Variants in TENM3 observed in about 807,000 individuals in gnomAD.
TENM3 encodes the protein teneurin transmembrane protein 3, also known as teneurin-3.
TENM3 carries 63 observed loss-of-function variants against 255.1 expected under a neutral mutation model. The observed-to-expected ratio is 0.25, with a 90% CI of 0.20 to 0.30. The LOEUF (loss-of-function observed/expected upper bound fraction) is 0.30. Ranked by LOEUF, TENM3 falls within the 10% of genes least tolerant of loss-of-function variation. The pLI is 1.00. For synonymous variants in TENM3, 1,306 were observed against 1,322.3 expected, an observed-to-expected ratio of 0.99 and a Z score of 0.27; for missense variants, 2,929 against 3,461.1, an observed-to-expected ratio of 0.85 and a Z score of 3.86.
chr4:182,112,453 C>T, the TENM3 span, among the ~76,000 whole-genome samples: 1 of 152,078 alleles, frequency 6.6e-6, no homozygotes, highest in Admixed American at 6.6e-5. Flanking sequence ...ACATTCTGAC[C>T]CTTTGTAGCC....
At chr4:182,397,020 A>G (rs893187107) in intron 3 of TENM3, among the ~76,000 whole-genome samples, 1 of 151,980 alleles carries the variant, frequency 6.6e-6, no homozygotes, top group African/African-American at 2.4e-5. Flanking sequence ...CAATATACCA[A>G]TGAAAAGCCG....
intron 1 of TENM3, among the ~76,000 whole-genome samples, chr4:182,212,444 G>A (rs1755113418): frequency 6.6e-6 from 1 of 152,060 alleles, no homozygotes. Context: ...CACCTCTGCT[G>A]AAGTCTCTCT....
At chr4:181,711,377 TA>T in the TENM3 span, among the ~76,000 whole-genome samples, 1 of 152,156 alleles carries the variant, frequency 6.6e-6, no homozygotes, top group Non-Finnish European at 1.5e-5. Context: ...TCTGAAAAGA[TA>T]GAGTGAGTCA....
At chr4:181,525,354 G>A in the TENM3 span, among the ~76,000 whole-genome samples, 3 of 139,776 alleles carry the variant, frequency 2.1e-5, no homozygotes, top group East Asian at 4.3e-4. Flanking sequence ...CCGAGATCAC[G>A]CCACTACACT....
At chr4:182,696,207 A>G (rs1004417182) in intron 12 of TENM3, among the ~76,000 whole-genome samples, 2 of 152,236 alleles carry the variant, frequency 1.3e-5, no homozygotes, top group African/African-American at 4.8e-5. Context: ...ACAAATTTAC[A>G]TGACACTACC....
At chr4:181,459,342 G>T in the TENM3 span, among the ~76,000 whole-genome samples, 1 of 151,784 alleles carries the variant, frequency 6.6e-6, no homozygotes, top group Non-Finnish European at 1.5e-5. Context: ...CTTTTGAAGA[G>T]CACAAGTTCT....
the TENM3 span, among the ~76,000 whole-genome samples, chr4:181,904,454 G>A: frequency 7.2e-5 from 11 of 151,880 alleles, no homozygotes; most frequent in Admixed American, 1.3e-4. Context: ...ACATGTACCC[G>A]ATAATTATAT....
At chr4:181,843,759 G>T in the TENM3 span, among the ~76,000 whole-genome samples, 3 of 128,438 alleles carry the variant, frequency 2.3e-5, no homozygotes, top group Non-Finnish European at 4.7e-5. Context: ...TCTCCCTGTC[G>T]CCCAGGCTGG....
chr4:181,594,836 C>CA, the TENM3 span, among the ~76,000 whole-genome samples: 5 of 152,238 alleles, frequency 3.3e-5, no homozygotes, highest in South Asian at 2.1e-4. Flanking sequence ...ACACATCTCA[C>CA]AAAAAATATA....
chr4:181,915,705 G>A, the TENM3 span, among the ~76,000 whole-genome samples: 1 of 150,670 alleles, frequency 6.6e-6, no homozygotes. Context: ...GGGGAGGAGA[G>A]AAAAGAGGAG....
At chr4:181,980,982 A>G in the TENM3 span, among the ~76,000 whole-genome samples, 1 of 152,182 alleles carries the variant, frequency 6.6e-6, no homozygotes, top group Non-Finnish European at 1.5e-5. Context: ...TGGAAATGGT[A>G]TATATTTTAC....
At chr4:182,202,456 C>A (rs1336520379) in intron 1 of TENM3, among the ~76,000 whole-genome samples, 1 of 152,038 alleles carries the variant, frequency 6.6e-6, no homozygotes, top group Admixed American at 6.6e-5. Context: ...CAGGCATGCA[C>A]CACCACACCC....
the TENM3 span, among the ~76,000 whole-genome samples, chr4:182,053,439 TCGAGTGCC>T: frequency 5.3e-5 from 8 of 152,180 alleles, no homozygotes; most frequent in Admixed American, 5.2e-4. Flanking sequence ...TAGGGACAGC[TCGAGTGCC>T]CTGGCCAGCT....
the TENM3 span, among the ~76,000 whole-genome samples, chr4:182,115,886 A>T: frequency 6.7e-6 from 1 of 148,878 alleles, no homozygotes; most frequent in Non-Finnish European, 1.5e-5. Context: ...TACGTTTTTT[A>T]AAAATTAATT....
the TENM3 span, among the ~76,000 whole-genome samples, chr4:181,792,072 A>C: frequency 2.0e-5 from 3 of 152,338 alleles, no homozygotes; most frequent in South Asian, 2.1e-4. Context: ...TGGCTTACCT[A>C]TAATAAACCC....
chr4:182,775,243 C>G (rs547601232), intron 24 of TENM3, 90 bp downstream of exon 24: 189 of 1,110,450 alleles, frequency 1.7e-4, no homozygotes, highest in Non-Finnish European at 2.4e-4. Flanking sequence ...TGCTCACCCC[C>G]CTATGTCTAC....
intron 3 of TENM3, among the ~76,000 whole-genome samples, chr4:182,596,631 TG>T (rs1747253072): frequency 6.6e-6 from 1 of 151,958 alleles, no homozygotes; most frequent in Admixed American, 6.6e-5. Context: ...AGGCATGGAG[TG>T]GCTACAGCAA....
chr4:181,532,534 C>T, the TENM3 span, among the ~76,000 whole-genome samples: 94 of 152,210 alleles, frequency 6.2e-4, no homozygotes, highest in African/African-American at 2.0e-3. Flanking sequence ...TAGCAAATGG[C>T]GTTTCGTTCT....
At chr4:181,639,577 T>A in the TENM3 span, among the ~76,000 whole-genome samples, 16 of 152,192 alleles carry the variant, frequency 1.1e-4, no homozygotes, top group African/African-American at 3.6e-4. Context: ...CCGTCTCTAC[T>A]AAAAATACAA....
Sources: gnomAD v4.1 joint callset for allele counts (sites outside exome capture counted in the v4.1 genomes callset) on GRCh38, gnomAD v4.1.1 for gene constraint, MANE v1.5 for transcripts, NCBI Gene and HGNC (gene_info 2026-07-23, HGNC 2026-07-21) for gene names.